The following CTSB variants were observed in gnomAD, a reference collection of about 807,000 sequenced individuals.
CTSB encodes the protein cathepsin B.
A neutral mutation model predicts 44.3 loss-of-function variants in CTSB; 57 were observed. That is an observed-to-expected ratio of 1.29 (90% CI 1.04 to 1.60). The LOEUF is 1.60. Ranked by LOEUF, CTSB falls within the 40% of genes most tolerant of loss-of-function variation. The pLI is 0.00. For missense variants in CTSB, 768 were observed against 443.0 expected (o/e 1.73, Z -6.59); for synonymous variants, 320 against 168.0 (o/e 1.91, Z -7.00).
chr8:11,852,611 T>C lies in CTSB; in HGVS notation c.211A>G (p.Arg71Gly), dbSNP rs756704343. The change falls in exon 3 of 10, where the codon AGA (arginine) becomes GGA (glycine). Residue 71 changes from arginine to glycine, a missense_variant and splice_region_variant. Arg to Gly is a moderately radical substitution (Grantham distance 125, BLOSUM62 -2). Coordinates refer to ENST00000353047, the MANE Select transcript of CTSB (RefSeq NM_001908.5). Reference protein sequence around the residue: ...TFLGGPKPPQRVMFTEDLKLP... With the variant: ...TFLGGPKPPQGVMFTEDLKLP... Reference sequence around the variant, plus strand: ...CGGTGCAGAGGAGCAGGCACTCACCTCTGGGGTGGCTTGGGCCCACCCAGG... The same window carrying C: ...CGGTGCAGAGGAGCAGGCACTCACCCCTGGGGTGGCTTGGGCCCACCCAGG... The C allele has an allele frequency of 2.5e-6, 4 of 1,612,796 alleles. No homozygotes were observed. The Admixed American group carries it at 6.7e-5, about 27-fold the overall frequency.
At chr8:11,851,137 A>G (rs1382356513) in intron 3 of CTSB, among the ~76,000 whole-genome samples, 157 bp from the exon 4 acceptor site, 3 of 152,116 alleles carry the variant, frequency 2.0e-5, no homozygotes, top group African/African-American at 7.2e-5. Flanking sequence ...GTAATTTCAT[A>G]AAACAAAAGG....
intron 1 of CTSB, among the ~76,000 whole-genome samples, chr8:11,855,300 G>GT (rs1378025487): frequency 6.6e-6 from 1 of 152,178 alleles, no homozygotes; most frequent in Non-Finnish European, 1.5e-5. Context: ...GATGACAGGC[G>GT]TGAGGCACCG....
chr8:11,855,638 C>T (rs781478585), intron 1 of CTSB, among the ~76,000 whole-genome samples: 17 of 152,174 alleles, frequency 1.1e-4, no homozygotes, highest in African/African-American at 1.9e-4. Context: ...CTCACATATA[C>T]TTTAGGCTTC....
chr8:11,866,753 G>A (rs534940445), intron 1 of CTSB, among the ~76,000 whole-genome samples: 30 of 152,276 alleles, frequency 2.0e-4, no homozygotes, highest in African/African-American at 6.3e-4. Context: ...CCAGCTACTC[G>A]GGAGGCTGAG....
Position 11,848,127 on chromosome 8 carries a change from C to A in CTSB, c.472G>T (p.Ala158Ser). 6.2e-7 allele frequency: 1 copy of A among 1,614,220 alleles called. No homozygotes were observed. The highest frequency in any genetic ancestry group is 8.5e-7 in the Non-Finnish European group (1 of 1,180,018). The change falls in exon 6 of 10, where the codon GCT (alanine) becomes TCT (serine). Residue 158 changes from alanine (A) to serine (S), a missense_variant. Transcript: ENST00000353047. ...CCTTTTCTTGTCCAGAAGTTCCAAGCTTCAGCAGGATAGCCACCATTACAG... is the reference window on the plus strand; with the variant it reads ...CCTTTTCTTGTCCAGAAGTTCCAAGATTCAGCAGGATAGCCACCATTACAG... ...DGCNGGYPAEAWNFWTRKGLV... is the reference protein window; with the variant it reads ...DGCNGGYPAESWNFWTRKGLV...
intron 1 of CTSB, chr8:11,861,545 T>C (rs1337308022): frequency 6.6e-6 from 1 of 152,330 alleles, no homozygotes; most frequent in Non-Finnish European, 1.5e-5. Flanking sequence ...AAATGACTAC[T>C]GTACACTTGA....
intron 1 of CTSB, 41 bp from the exon 2 acceptor site, chr8:11,853,520 T>G: frequency 1.3e-6 from 2 of 1,566,728 alleles, no homozygotes; most frequent in Non-Finnish European, 1.7e-6. Flanking sequence ...CTCTGTTATG[T>G]GGGTCGAGGG....
chr8:11,846,934 T>A (rs1813476733), intron 8 of CTSB, 118 bp downstream of exon 8: 2 of 709,752 alleles, frequency 2.8e-6, no homozygotes, highest in Non-Finnish European at 5.1e-6. Context: ...CACAGCCCTC[T>A]TCCCCAGCCC....
At chr8:11,851,743 C>T (rs1175716778) in intron 3 of CTSB, among the ~76,000 whole-genome samples, 2 of 151,268 alleles carry the variant, frequency 1.3e-5, no homozygotes, top group African/African-American at 4.9e-5. Context: ...CTCAGCTCAC[C>T]GCAACCTCTG....
intron 4 of CTSB, 79 bp from the exon 5 acceptor site, chr8:11,849,243 G>C (rs1434069422): frequency 3.6e-6 from 4 of 1,118,788 alleles, no homozygotes; most frequent in Admixed American, 1.8e-5. Flanking sequence ...AAGGGCCACA[G>C]GGGCACCTCA....
intron 1 of CTSB, chr8:11,857,987 C>G (rs914180829): frequency 2.6e-5 from 4 of 152,296 alleles, no homozygotes; most frequent in Non-Finnish European, 5.9e-5. Context: ...GTCAGGAGAC[C>G]TGCATTTGGA....
rs879227207 is a variant in CTSB, at chr8:11,845,658, C to A, written c.922+3G>T. ...TCTTGGCAGGAAGGGGGCAGCCACT[C>A]ACCATTGTCACCCCAGTCAGTGTTC... is the stretch of plus-strand genomic sequence containing the variant. On this transcript the variant is annotated splice_donor_region_variant and intron_variant, in intron 9 of 9. Transcript: ENST00000353047. 6.2e-7 allele frequency: 1 copy of A among 1,612,122 alleles called. No individual in the cohort carries two copies. Among genetic ancestry groups the A allele is most frequent in the Admixed American group, 1.7e-5 (1 of 59,922 alleles).
Position 11,852,031 on chromosome 8 carries a change from C to T in CTSB, c.212+579G>A, listed in dbSNP as rs141262525. Among the ~76,000 whole-genome samples the T allele has an allele frequency of 2.2e-4, 34 of 152,276 alleles. No individual in the cohort carries two copies. In the East Asian group the frequency reaches 6.0e-3, roughly 27 times the overall value. On this transcript the variant is annotated intron_variant, in intron 3 of 9. Transcript: ENST00000353047. ...ATTGAGTCTGCCCACATAGTGGGGA[C>T]CCAGACCTTGTCTGTCACATCTGCG...
intron 1 of CTSB, among the ~76,000 whole-genome samples, chr8:11,860,125 T>C (rs926048010): frequency 1.3e-5 from 2 of 152,126 alleles, no homozygotes; most frequent in Non-Finnish European, 2.9e-5. Context: ...AGCCCTCAGG[T>C]AGACTGCACT....
rs2272765 is a variant in CTSB at position 11,848,799 on chromosome 8, A to T, written c.446+247T>A. 7.3e-6 allele frequency: 3 copies of T among 411,878 alleles called. No individual in the cohort carries two copies. In the East Asian group the frequency reaches 1.4e-4, roughly 20 times the overall value. 25.5% of individuals were successfully genotyped at this position (411,878 alleles called of 1,614,324 possible). ...GACCAGGGGCCAGACATTCCACCAC[A>T]TTTTCTGAAACTGACTGTTTTGCTG... is the stretch of plus-strand genomic sequence containing the variant. On this transcript the variant is annotated intron_variant, in intron 5 of 9. Transcript: ENST00000353047.
rs1281979670 is a variant in CTSB at position 11,849,052 on chromosome 8, C to G, written c.440G>C (p.Gly147Ala). The change falls in exon 5 of 10, where the codon GGG (glycine) becomes GCG (alanine). Residue 147 changes from glycine to alanine, a missense_variant. By Grantham distance (60) the Gly-to-Ala change is moderately conservative. Coordinates refer to ENST00000353047, the MANE Select transcript of CTSB (RefSeq NM_001908.5). ...GAAGCACAGCCTGACTCACCCGTCCCCACACATGCTGCCACAGCATGTGAG... is the reference window on the plus strand; with the variant it reads ...GAAGCACAGCCTGACTCACCCGTCCGCACACATGCTGCCACAGCATGTGAG... Reference protein sequence around the residue: ...DLLTCCGSMCGDGCNGGYPAE... With the variant: ...DLLTCCGSMCADGCNGGYPAE... 1 of 1,611,918 alleles carries G rather than the reference C, an allele frequency of 6.2e-7. No homozygotes were observed. The highest frequency in any genetic ancestry group is 2.2e-5 in the East Asian group (1 of 44,852).
chr8:11,846,950 C>A (rs966255921), intron 8 of CTSB, 102 bp downstream of exon 8: 2 of 716,936 alleles, frequency 2.8e-6, no homozygotes, highest in Non-Finnish European at 2.5e-6. Flanking sequence ...AGCCCCTCAC[C>A]TGCCTGCCCA....
At position 11,845,099 on chromosome 8, in the gene CTSB, G is replaced by C. The variant is rs552289862; in HGVS notation, c.*26C>G. 1.3e-6 allele frequency: 2 copies of C among 1,495,576 alleles called. No individual in the cohort carries two copies. Among genetic ancestry groups the C allele is most frequent in the Admixed American group, 1.7e-5 (1 of 59,738 alleles). The allele number at this position is 1,495,576 out of a possible 1,614,324, so 92.6% of individuals were successfully genotyped here. ...ATTTCTACCCCGATCTCGCCCCCAGGACTGGCACGACAGGCCCACGGCAGA... is the reference window on the plus strand; with the variant it reads ...ATTTCTACCCCGATCTCGCCCCCAGCACTGGCACGACAGGCCCACGGCAGA... On this transcript the variant is annotated 3_prime_UTR_variant, in exon 10 of 10. Transcript: ENST00000353047.
At chr8:11,853,688 G>A (rs1815019037) in intron 1 of CTSB, 6 of 500,994 alleles carry the variant, frequency 1.2e-5, no homozygotes, top group South Asian at 3.0e-5. Context: ...GGGGCCAGGC[G>A]GCCAGAGCCC....
Sources: allele counts gnomAD v4.1 joint callset (sites outside exome capture counted in the v4.1 genomes callset), GRCh38; gene constraint gnomAD v4.1.1; transcripts MANE v1.5; gene names NCBI Gene and HGNC (gene_info 2026-07-23, HGNC 2026-07-21).